The following HPSE2 variants were observed in gnomAD, a reference collection of about 807,000 sequenced individuals.
HPSE2 encodes heparanase 2 (inactive), also known as inactive heparanase-2.
HPSE2 carries 38 observed loss-of-function variants against 60.5 expected under a neutral mutation model. That is an observed-to-expected ratio of 0.63 (90% CI 0.48 to 0.82). The LOEUF (loss-of-function observed/expected upper bound fraction) is 0.82, where lower values mean the gene tolerates loss of function less well. HPSE2 is among the 40% of genes least tolerant of loss of function. The probability of loss-of-function intolerance (pLI) is 0.00; values close to 1 mark genes in which losing one functional copy is unlikely to be tolerated. For missense variants in HPSE2, 713 were observed against 740.4 expected, an observed-to-expected ratio of 0.96 and a Z score of 0.43; for synonymous variants, 295 against 293.2, an observed-to-expected ratio of 1.01 and a Z score of -0.06.
chr10:98,515,917 C>T (rs11599742), intron 9 of HPSE2, among the ~76,000 whole-genome samples: 3,122 of 152,276 alleles, frequency 0.021, 53 homozygotes, highest in Non-Finnish European at 0.032. Flanking sequence ...CCTCTCCCCA[C>T]CAGCTCCACT....
At chr10:99,071,273 T>C (rs1205288852) in intron 3 of HPSE2, among the ~76,000 whole-genome samples, 5 of 152,116 alleles carry the variant, frequency 3.3e-5, no homozygotes, top group Non-Finnish European at 5.9e-5. Flanking sequence ...TTTCGCCATG[T>C]TGGCCAGGCT....
intron 3 of HPSE2, among the ~76,000 whole-genome samples, chr10:98,794,716 T>C (rs1330299306): frequency 6.6e-6 from 1 of 152,156 alleles, no homozygotes; most frequent in Non-Finnish European, 1.5e-5. Flanking sequence ...AAAAAAGTTA[T>C]CCTTTTCAAT....
intron 3 of HPSE2, among the ~76,000 whole-genome samples, chr10:99,110,909 C>T (rs1209207620): frequency 6.6e-6 from 1 of 152,124 alleles, no homozygotes; most frequent in Non-Finnish European, 1.5e-5. Flanking sequence ...ACACTTAGGT[C>T]TATGATCCAT....
chr10:98,601,399 A>C, intron 9 of HPSE2, among the ~76,000 whole-genome samples: 1 of 152,216 alleles, frequency 6.6e-6, no homozygotes, highest in South Asian at 2.1e-4. Flanking sequence ...GCCTCCATCC[A>C]TCAGATTAAT....
At chr10:98,810,126 C>A (rs760094085) in intron 3 of HPSE2, among the ~76,000 whole-genome samples, 93 of 152,100 alleles carry the variant, frequency 6.1e-4, no homozygotes, top group Admixed American at 1.9e-3. Context: ...TTGTAGTCTT[C>A]ATGTCCAAGT....
intron 3 of HPSE2, among the ~76,000 whole-genome samples, chr10:98,816,305 T>C (rs1357451586): frequency 6.6e-6 from 1 of 152,184 alleles, no homozygotes; most frequent in African/African-American, 2.4e-5. Flanking sequence ...CAAAGGTGTT[T>C]CTCAACAGAT....
chr10:98,664,189 T>A (rs1399590273), intron 6 of HPSE2, among the ~76,000 whole-genome samples: 1 of 152,038 alleles, frequency 6.6e-6, no homozygotes, highest in Non-Finnish European at 1.5e-5. Context: ...GGGCTTTCAG[T>A]ACAGTGGCTG....
In HPSE2 at chr10:98,765,071, T is replaced by A. The variant is rs542691773; in HGVS notation, c.611-21015A>T. Among the ~76,000 whole-genome samples the A allele has an allele frequency of 2.6e-5, 4 of 152,182 alleles. No homozygotes were observed. The East Asian group carries it at 5.8e-4, about 22-fold the overall frequency. On this transcript the variant is annotated intron_variant, in intron 3 of 11. Coordinates refer to ENST00000370552, the MANE Select transcript of HPSE2 (RefSeq NM_021828.5). ...ATAACTCAAAGAAGAAACAGCCAAA[T>A]CTGCAATTACAAATGGAGACTTCAA...
rs925579541 is a variant in HPSE2, at chr10:99,232,412, C to G, written c.384G>C (p.Leu128=). The G allele has an allele frequency of 2.6e-6, 4 of 1,553,042 alleles. No individual in the cohort carries two copies. The African/African-American group carries it at 5.5e-5, about 21-fold the overall frequency. Residue 128 remains leucine, a synonymous_variant, in exon 2 of 12, where the codon CTG becomes CTC. Transcript: ENST00000370552. ...KRTDFLQFQN[L]RNPAKSRGGP... Reference sequence around the variant, plus strand: ...CCCCGCGGCTTTTCGCCGGGTTCCTCAGGTTCTGGAACTGCAGGAAGTCGG... The same window carrying G: ...CCCCGCGGCTTTTCGCCGGGTTCCTGAGGTTCTGGAACTGCAGGAAGTCGG...
intron 5 of HPSE2, among the ~76,000 whole-genome samples, chr10:98,697,030 T>G (rs1446182651): frequency 6.7e-6 from 1 of 148,562 alleles, no homozygotes; most frequent in Non-Finnish European, 1.5e-5. Flanking sequence ...GACAAACTCA[T>G]GAAGATGAGA....
chr10:98,777,450 T>C (rs933117532), intron 3 of HPSE2, among the ~76,000 whole-genome samples: 2 of 152,192 alleles, frequency 1.3e-5, no homozygotes, highest in Non-Finnish European at 2.9e-5. Context: ...ATTTTAGAAA[T>C]GGGAAAACCA....
chr10:99,212,265 G>C (rs1195134621), intron 2 of HPSE2, among the ~76,000 whole-genome samples: 1 of 151,984 alleles, frequency 6.6e-6, no homozygotes, highest in Non-Finnish European at 1.5e-5. Context: ...AAACAGTACG[G>C]AAGTTCCTCA....
intron 9 of HPSE2, among the ~76,000 whole-genome samples, chr10:98,562,492 G>A (rs576437730): frequency 3.3e-5 from 5 of 152,052 alleles, no homozygotes; most frequent in Admixed American, 6.5e-5. Flanking sequence ...TGAGGCGGGC[G>A]GATCACAAGG....
chr10:98,917,722 AT>A (rs749158187), intron 3 of HPSE2, among the ~76,000 whole-genome samples: 1 of 152,164 alleles, frequency 6.6e-6, no homozygotes, highest in Non-Finnish European at 1.5e-5. Flanking sequence ...AAGCTGAACG[AT>A]GAATGAATAA....
At chr10:99,279,088 T>G in the HPSE2 span, among the ~76,000 whole-genome samples, 4,247 of 118,708 alleles carry the variant, frequency 0.036, 197 homozygotes, top group African/African-American at 0.13. Flanking sequence ...TCCCTGGATC[T>G]TCATTTATCA....
At chr10:99,091,167 T>C (rs1298576885) in intron 3 of HPSE2, among the ~76,000 whole-genome samples, 3 of 152,186 alleles carry the variant, frequency 2.0e-5, no homozygotes, top group Non-Finnish European at 4.4e-5. Context: ...TTTAAACTAT[T>C]AGTCCTTAGC....
chr10:98,569,200 A>G (rs1944429892), intron 9 of HPSE2, among the ~76,000 whole-genome samples: 1 of 151,632 alleles, frequency 6.6e-6, no homozygotes, highest in African/African-American at 2.4e-5. Context: ...AGTAGCTGGG[A>G]TTACAGGCAC....
intron 3 of HPSE2, among the ~76,000 whole-genome samples, chr10:98,851,816 A>G (rs539415528): frequency 6.6e-6 from 1 of 152,220 alleles, no homozygotes; most frequent in African/African-American, 2.4e-5. Context: ...AATTCTTTAC[A>G]CTACAACTAA....
At chr10:99,257,581 A>C in the HPSE2 span, among the ~76,000 whole-genome samples, 1 of 151,932 alleles carries the variant, frequency 6.6e-6, no homozygotes, top group Non-Finnish European at 1.5e-5. Flanking sequence ...CTGCTCTCAA[A>C]CCCTGTCTCC....
Sources: gnomAD v4.1 joint callset for allele counts (sites outside exome capture counted in the v4.1 genomes callset) on GRCh38, gnomAD v4.1.1 for gene constraint, MANE v1.5 for transcripts, NCBI Gene and HGNC (gene_info 2026-07-23, HGNC 2026-07-21) for gene names.